The following CTNNA1 variants were observed in gnomAD, a reference collection of about 807,000 sequenced individuals.
CTNNA1 encodes the protein catenin alpha-1.
In CTNNA1, 37 loss-of-function variants were observed where a neutral mutation model predicts 98.4. The ratio of observed to expected loss-of-function variants is 0.38; its 90% CI spans 0.29 to 0.49. CTNNA1 has a LOEUF of 0.49. CTNNA1 is among the 20% of genes least tolerant of loss of function. CTNNA1 has a pLI of 0.95. For synonymous variants in CTNNA1, 404 were observed against 413.2 expected (o/e 0.98, Z 0.27); for missense variants, 761 against 1,147.2 (o/e 0.66, Z 4.86).
rs900646310 is a variant in CTNNA1, at chr5:138,878,611, G to A, written c.1063-7601G>A. ...CTGAGTCAAGTGGCAGGGCTTAGAT[G>A]GCTGTAGTTGTCTGCATTCCTCCAC... On this transcript the variant is annotated intron_variant, in intron 7 of 17. Coordinates refer to ENST00000302763, the MANE Select transcript of CTNNA1 (RefSeq NM_001903.5). Among the ~76,000 whole-genome samples the A allele has an allele frequency of 1.5e-4, 23 of 152,142 alleles. 1 individual carries two copies. The highest frequency in any genetic ancestry group is 5.9e-5 in the Non-Finnish European group (4 of 68,032).
chr5:138,791,280 G>A (rs1465991453), intron 3 of CTNNA1, among the ~76,000 whole-genome samples: 2 of 152,116 alleles, frequency 1.3e-5, no homozygotes, highest in Non-Finnish European at 2.9e-5. Flanking sequence ...AGCAGTCAGT[G>A]TTGTTAAGTA....
rs190275387 is a variant in CTNNA1, at chr5:138,876,685, G to A, written c.1063-9527G>A. On this transcript the variant is annotated intron_variant, in intron 7 of 17. Coordinates refer to ENST00000302763, the MANE Select transcript of CTNNA1 (RefSeq NM_001903.5). Reference sequence around the variant, plus strand: ...GTGTCTGTGAAACAAGAACATCGTTGGCCTTTTTGGTTCTGAGGGATTCAT... The same window carrying A: ...GTGTCTGTGAAACAAGAACATCGTTAGCCTTTTTGGTTCTGAGGGATTCAT... Among the ~76,000 whole-genome samples, 14 of 152,266 alleles carry A rather than the reference G, an allele frequency of 9.2e-5. 1 individual carries two copies. The highest frequency in any genetic ancestry group is 3.4e-3 in the Middle Eastern group (1 of 294).
intron 1 of CTNNA1, among the ~76,000 whole-genome samples, chr5:138,780,173 T>G (rs1754899038): frequency 6.6e-6 from 1 of 151,840 alleles, no homozygotes; most frequent in South Asian, 2.1e-4. Flanking sequence ...TTTTAAAGAT[T>G]TTATTTTATT....
rs201287537 is a variant in CTNNA1, at chr5:138,767,048, T to TC, written c.-3+13538_-3+13539insC. On this transcript the variant is annotated intron_variant, in intron 1 of 17. Transcript: ENST00000302763. ...ATTTCATAACTTTTCTTTCTTTCTT[T>TC]TTTTTGAGACAAGAGTCTCGCTCTG... Among the ~76,000 whole-genome samples the TC allele has an allele frequency of 2.2e-4, 33 of 146,786 alleles. No homozygotes were observed. In the South Asian group the frequency reaches 3.3e-3, roughly 14 times the overall value.
chr5:138,761,661 T>A (rs1338602627), intron 1 of CTNNA1, among the ~76,000 whole-genome samples: 1 of 152,132 alleles, frequency 6.6e-6, no homozygotes, highest in Non-Finnish European at 1.5e-5. Flanking sequence ...ATGGAGATAA[T>A]AAATAAGTAG....
intron 3 of CTNNA1, among the ~76,000 whole-genome samples, chr5:138,789,674 T>C (rs1756134867): frequency 6.6e-6 from 1 of 152,178 alleles, no homozygotes; most frequent in Non-Finnish European, 1.5e-5. Flanking sequence ...GCCAGGCTGG[T>C]CTCAAACTCC....
intron 17 of CTNNA1, chr5:138,932,933 C>A (rs775300062): frequency 1.3e-6 from 1 of 782,938 alleles, no homozygotes; most frequent in South Asian, 1.3e-5. Context: ...AGGCTGGCCT[C>A]CTCCCCTTTG....
chr5:138,868,276 G>A (rs1325263196), intron 7 of CTNNA1, among the ~76,000 whole-genome samples: 2 of 152,334 alleles, frequency 1.3e-5, no homozygotes, highest in Middle Eastern at 6.8e-3. Context: ...CGACTGTGTG[G>A]AGCAGGGGGT....
At chr5:138,829,980 C>T (rs1040645482) in intron 7 of CTNNA1, among the ~76,000 whole-genome samples, 4 of 152,044 alleles carry the variant, frequency 2.6e-5, no homozygotes, top group Non-Finnish European at 4.4e-5. Flanking sequence ...TCCTGGCTAA[C>T]GTGGCGAAAC....
intron 7 of CTNNA1, among the ~76,000 whole-genome samples, chr5:138,857,680 C>T (rs1325995347): frequency 1.3e-5 from 2 of 152,082 alleles, no homozygotes; most frequent in African/African-American, 4.8e-5. Flanking sequence ...TGTATTTAAC[C>T]ATCAAAGCAT....
rs187131579 is a variant in CTNNA1, at chr5:138,830,431, G to A, written c.1062+2713G>A. On this transcript the variant is annotated intron_variant, in intron 7 of 17. Coordinates refer to ENST00000302763, the MANE Select transcript of CTNNA1 (RefSeq NM_001903.5). ...AAATGTATTTTAGGAGATGGTCTCTGGGTATGTTTCTCCTAAAGGTAAAAA... is the reference window on the plus strand; with the variant it reads ...AAATGTATTTTAGGAGATGGTCTCTAGGTATGTTTCTCCTAAAGGTAAAAA... Among the ~76,000 whole-genome samples the A allele has an allele frequency of 9.2e-5, 14 of 152,294 alleles. No homozygotes were observed. In the East Asian group the frequency reaches 2.7e-3, roughly 29 times the overall value.
intron 7 of CTNNA1, chr5:138,875,328 AC>A (rs1440776834): frequency 1.1e-6 from 1 of 940,018 alleles, no homozygotes; most frequent in Non-Finnish European, 1.3e-6. Context: ...GAGAAACGGC[AC>A]AAGAATGGAT....
chr5:138,776,893 C>CG (rs1455362763), intron 1 of CTNNA1, among the ~76,000 whole-genome samples: 5 of 128,462 alleles, frequency 3.9e-5, no homozygotes, highest in African/African-American at 1.2e-4. Flanking sequence ...GCTGGCCGGG[C>CG]AGGGGGCTGA....
At chr5:138,893,881 C>T (rs1373651694) in intron 9 of CTNNA1, among the ~76,000 whole-genome samples, 2 of 151,548 alleles carry the variant, frequency 1.3e-5, no homozygotes, top group Non-Finnish European at 2.9e-5. Context: ...CTCGGCCTCC[C>T]AAACTGCTGA....
intron 17 of CTNNA1, 42 bp from the exon 18 acceptor site, chr5:138,933,760 A>C (rs1414902152): frequency 6.3e-7 from 1 of 1,593,430 alleles, no homozygotes; most frequent in Non-Finnish European, 8.6e-7. Context: ...ACGAGGCTGG[A>C]GGTCAGGCCG....
intron 11 of CTNNA1, among the ~76,000 whole-genome samples, chr5:138,918,194 G>GA (rs28363464): frequency 0.013 from 1,968 of 152,136 alleles, 47 homozygotes; most frequent in African/African-American, 0.04. Flanking sequence ...TGCTTGTATA[G>GA]AGTGAGGTCT....
At chr5:138,833,632 C>T (rs1440592906) in intron 7 of CTNNA1, among the ~76,000 whole-genome samples, 1 of 152,082 alleles carries the variant, frequency 6.6e-6, no homozygotes, top group Non-Finnish European at 1.5e-5. Flanking sequence ...TGCATTGTAT[C>T]TCTGTTGGAT....
At chr5:138,760,336 G>T (rs936640406) in intron 1 of CTNNA1, among the ~76,000 whole-genome samples, 1 of 149,534 alleles carries the variant, frequency 6.7e-6, no homozygotes, top group Non-Finnish European at 1.5e-5. Context: ...TCCATTTATT[G>T]TATGTATATG....
At chr5:138,906,848 T>G (rs1451597058) in intron 10 of CTNNA1, among the ~76,000 whole-genome samples, 1 of 152,182 alleles carries the variant, frequency 6.6e-6, no homozygotes, top group South Asian at 2.1e-4. Context: ...GCTCACAAAC[T>G]GCTATGCACA....
Sources: gnomAD v4.1 joint callset for allele counts (sites outside exome capture counted in the v4.1 genomes callset) on GRCh38, gnomAD v4.1.1 for gene constraint, MANE v1.5 for transcripts, NCBI Gene and HGNC (gene_info 2026-07-23, HGNC 2026-07-21) for gene names.